The following TCP11L1 variants were observed in gnomAD, a reference collection of about 807,000 sequenced individuals.
The protein encoded by TCP11L1 is T-complex protein 11-like protein 1.
TCP11L1 carries 28 observed loss-of-function variants against 48.9 expected under a neutral mutation model. The observed-to-expected ratio is 0.57, with a 90% confidence interval of 0.42 to 0.78. The LOEUF (loss-of-function observed/expected upper bound fraction) is 0.78, where lower values mean the gene tolerates loss of function less well. TCP11L1 is among the 30% of genes least tolerant of loss of function. TCP11L1 has a pLI of 0.00. For missense variants in TCP11L1, 505 were observed against 613.4 expected (o/e 0.82, Z 1.87); for synonymous variants, 204 against 231.9 (o/e 0.88, Z 1.09).
intron 1 of TCP11L1, 56 bp downstream of exon 1, chr11:33,039,848 C>A (rs1853775056): frequency 6.6e-6 from 1 of 152,492 alleles, no homozygotes; most frequent in Admixed American, 6.5e-5. Flanking sequence ...GGCGCGCGGT[C>A]CAAGTCGCAG....
At chr11:33,043,008 G>A (rs1003220884) in intron 1 of TCP11L1, among the ~76,000 whole-genome samples, 1 of 152,254 alleles carries the variant, frequency 6.6e-6, no homozygotes, top group Non-Finnish European at 1.5e-5. Flanking sequence ...GGAAGTTGCA[G>A]TAAACTGAGA....
At chr11:33,059,204 G>A in intron 6 of TCP11L1, 109 bp downstream of exon 6, 3 of 1,404,786 alleles carry the variant, frequency 2.1e-6, no homozygotes, top group Non-Finnish European at 2.9e-6. Context: ...AATTTAGTAG[G>A]AGAATAGTCT....
chr11:33,054,438 A>G (rs1854252023), intron 2 of TCP11L1, among the ~76,000 whole-genome samples, 155 bp from the exon 3 acceptor site: 1 of 152,208 alleles, frequency 6.6e-6, no homozygotes, highest in Non-Finnish European at 1.5e-5. Context: ...ATGAATATGA[A>G]GTAACATTCT....
At position 33,058,963 on chromosome 11, in the gene TCP11L1, AT is replaced by A. The variant is rs755447630; in HGVS notation, c.649del (p.Ser217LeufsTer5). 2.5e-6 allele frequency: 4 copies of A among 1,611,268 alleles called. No homozygotes were observed. Among genetic ancestry groups the A allele is most frequent in the Non-Finnish European group, 3.4e-6 (4 of 1,179,222 alleles). ...IKEIVPLFRE[I>X]FSVLDLMKVD... The stretch of plus-strand genomic sequence containing the variant: ...CTAAATCCTTTTTTCTTTCAGAGAA[AT>A]TTTTTCTGTGTTGGACCTAATGAAA... On this transcript the variant is annotated frameshift_variant, in exon 6 of 10. Transcript: ENST00000334274. LOFTEE classifies it high-confidence loss of function.
chr11:33,043,186 G>T (rs568893731), intron 1 of TCP11L1, among the ~76,000 whole-genome samples: 1 of 152,208 alleles, frequency 6.6e-6, no homozygotes, highest in Admixed American at 6.5e-5. Flanking sequence ...AGTTAGCTGA[G>T]ATTGCCCCAT....
At chr11:33,053,419 A>G (rs1485318728) in intron 2 of TCP11L1, among the ~76,000 whole-genome samples, 1 of 152,266 alleles carries the variant, frequency 6.6e-6, no homozygotes, top group Non-Finnish European at 1.5e-5. Flanking sequence ...TGCTGGGATT[A>G]CAGGTGTGAG....
At position 33,062,189 on chromosome 11, in the gene TCP11L1, CAG is replaced by C. The variant is rs1361938517; in HGVS notation, c.972+464_972+465del. 2.6e-5 allele frequency among the ~76,000 whole-genome samples: 4 copies of C among 152,174 alleles called. No individual in the cohort carries two copies. In the East Asian group the frequency reaches 7.7e-4, roughly 29 times the overall value. Reference sequence around the variant, plus strand: ...ATTCTCCCTTTTAAAGTGTACAACTCAGTGTTTTCTAGTATAGTCACAGAGTT... The same window carrying C: ...ATTCTCCCTTTTAAAGTGTACAACTCTGTTTTCTAGTATAGTCACAGAGTT... On this transcript the variant is annotated intron_variant, in intron 7 of 9. Transcript: ENST00000334274.
chr11:33,058,779 A>T (rs534716295), intron 5 of TCP11L1, among the ~76,000 whole-genome samples, 180 bp from the exon 6 acceptor site: 41 of 152,190 alleles, frequency 2.7e-4, no homozygotes, highest in African/African-American at 9.4e-4. Flanking sequence ...AGTTTTTATC[A>T]TGTTGTCACA....
At chr11:33,065,585 C>T (rs895387253) in intron 7 of TCP11L1, among the ~76,000 whole-genome samples, 2 of 152,186 alleles carry the variant, frequency 1.3e-5, no homozygotes, top group South Asian at 4.1e-4. Context: ...GTATTAAGCA[C>T]GGAGCCTGGC....
chr11:33,046,623 T>G (rs1188269513), intron 2 of TCP11L1, among the ~76,000 whole-genome samples: 4 of 152,280 alleles, frequency 2.6e-5, no homozygotes, highest in Non-Finnish European at 5.9e-5. Flanking sequence ...GTATTCCTTT[T>G]GGCTGCCTTC....
In TCP11L1 at chr11:33,072,867, T is replaced by A; in HGVS notation, c.*191T>A. On this transcript the variant is annotated 3_prime_UTR_variant, in exon 10 of 10. Coordinates refer to ENST00000334274, the MANE Select transcript of TCP11L1 (RefSeq NM_018393.4). ...TCCACTGAATTCTATTTTGAGAGAT[T>A]GTATTTATGAGTGCAAGTTTACAAA... The A allele has an allele frequency of 1.5e-6, 1 of 659,466 alleles. No individual in the cohort carries two copies. The highest frequency in any genetic ancestry group is 2.5e-6 in the Non-Finnish European group (1 of 392,706). 40.9% of individuals were successfully genotyped at this position (659,466 alleles called of 1,614,324 possible).
At chr11:33,047,128 A>G (rs755103424) in intron 2 of TCP11L1, among the ~76,000 whole-genome samples, 8 of 151,864 alleles carry the variant, frequency 5.3e-5, no homozygotes, top group Non-Finnish European at 1.0e-4. Flanking sequence ...CAAGAGAATC[A>G]CTTGAACCTG....
intron 2 of TCP11L1, among the ~76,000 whole-genome samples, chr11:33,049,764 C>T (rs1854103722): frequency 6.6e-6 from 1 of 152,210 alleles, no homozygotes; most frequent in South Asian, 2.1e-4. Context: ...CCAAGACATT[C>T]TATTGCCCAG....
chr11:33,068,166 A>G (rs1024075433), intron 8 of TCP11L1, among the ~76,000 whole-genome samples: 1 of 152,210 alleles, frequency 6.6e-6, no homozygotes, highest in Non-Finnish European at 1.5e-5. Context: ...CTCCTGATCC[A>G]TCTGCCTTGG....
At chr11:33,066,467 G>A (rs1462513558) in intron 8 of TCP11L1, among the ~76,000 whole-genome samples, 1 of 152,138 alleles carries the variant, frequency 6.6e-6, no homozygotes, top group African/African-American at 2.4e-5. Flanking sequence ...CGGGCTGGGG[G>A]GTAAGCCATG....
intron 2 of TCP11L1, 58 bp from the exon 3 acceptor site, chr11:33,054,535 T>C: frequency 6.3e-7 from 1 of 1,577,618 alleles, no homozygotes; most frequent in East Asian, 2.3e-5. Flanking sequence ...TGTTTTCTTA[T>C]TTTAGTAGAA....
intron 1 of TCP11L1, chr11:33,041,160 G>C (rs1429629995): frequency 2.0e-5 from 3 of 152,158 alleles, no homozygotes; most frequent in Non-Finnish European, 1.5e-5. Context: ...TTAAGGATGG[G>C]GTTAGTTTAC....
intron 2 of TCP11L1, among the ~76,000 whole-genome samples, chr11:33,052,061 C>T (rs554791740): frequency 1.3e-5 from 2 of 151,980 alleles, no homozygotes; most frequent in East Asian, 3.9e-4. Flanking sequence ...TAATAATATA[C>T]CCATAGAGGG....
chr11:33,071,095 A>T (rs1196762630), intron 9 of TCP11L1, among the ~76,000 whole-genome samples: 1 of 151,562 alleles, frequency 6.6e-6, no homozygotes, highest in Non-Finnish European at 1.5e-5. Context: ...CAGACGGATC[A>T]CTTGAGGTCA....
Sources: gnomAD v4.1 joint callset for allele counts (sites outside exome capture counted in the v4.1 genomes callset) on GRCh38, gnomAD v4.1.1 for gene constraint, MANE v1.5 for transcripts, NCBI Gene and HGNC (gene_info 2026-07-23, HGNC 2026-07-21) for gene names.